The following SORCS1 variants were observed in gnomAD, a reference collection of about 807,000 sequenced individuals.
SORCS1 encodes VPS10 domain-containing receptor SorCS1.
In SORCS1, 60 loss-of-function variants were observed where a neutral mutation model predicts 146.1. That is an observed-to-expected ratio of 0.41 (90% CI 0.33 to 0.51). The LOEUF (loss-of-function observed/expected upper bound fraction) is 0.51, where lower values mean the gene tolerates loss of function less well. SORCS1 is among the 20% of genes least tolerant of loss of function. SORCS1 has a pLI of 0.21. For synonymous variants in SORCS1, 637 were observed against 584.0 expected (o/e 1.09, Z -1.31); for missense variants, 1,352 against 1,487.6 (o/e 0.91, Z 1.50).
At chr10:107,063,862 T>C (rs1378676892) in intron 1 of SORCS1, among the ~76,000 whole-genome samples, 2 of 152,036 alleles carry the variant, frequency 1.3e-5, no homozygotes, top group Non-Finnish European at 2.9e-5. Context: ...AAATGGAGAG[T>C]TCATGACAGT....
intron 2 of SORCS1, among the ~76,000 whole-genome samples, chr10:106,834,649 C>A (rs1450400068): frequency 6.6e-6 from 1 of 151,902 alleles, no homozygotes; most frequent in Non-Finnish European, 1.5e-5. Context: ...CCTGGACTAA[C>A]CATAAAGTGA....
rs535133961 is a variant in SORCS1 at position 106,875,048 on chromosome 10, G to C, written c.627-45375C>G. 1.5e-3 allele frequency among the ~76,000 whole-genome samples: 224 copies of C among 152,138 alleles called. 3 individuals are homozygous for C. The highest frequency in any genetic ancestry group is 5.1e-3 in the African/African-American group (210 of 41,494). Reference sequence around the variant, plus strand: ...TATAGCGGTGAATTCTGAGATTTTAGTGCACCCATCACCTGGGTAGTGTAC... The same window carrying C: ...TATAGCGGTGAATTCTGAGATTTTACTGCACCCATCACCTGGGTAGTGTAC... On this transcript the variant is annotated intron_variant, in intron 2 of 25. Transcript: ENST00000263054.
intron 2 of SORCS1, among the ~76,000 whole-genome samples, chr10:106,878,620 G>GTGTATATATA (rs904386657): frequency 2.1e-4 from 18 of 84,950 alleles, no homozygotes; most frequent in African/African-American, 7.8e-4. Flanking sequence ...AAACTACCTA[G>GTGTATATATA]TATATATATA....
intron 2 of SORCS1, among the ~76,000 whole-genome samples, chr10:106,910,518 C>T (rs1952101514): frequency 6.6e-6 from 1 of 152,148 alleles, no homozygotes; most frequent in Non-Finnish European, 1.5e-5. Flanking sequence ...CTCATCCCAT[C>T]AGTCACTGAA....
At chr10:107,036,972 G>A (rs192406777) in intron 1 of SORCS1, among the ~76,000 whole-genome samples, 735 of 152,272 alleles carry the variant, frequency 4.8e-3, no homozygotes, top group Non-Finnish European at 8.3e-3. Context: ...CAGGCTGGGC[G>A]CGGTGGCTCA....
chr10:106,913,557 A>T (rs769080505), intron 2 of SORCS1, among the ~76,000 whole-genome samples: 1 of 152,230 alleles, frequency 6.6e-6, no homozygotes, highest in Non-Finnish European at 1.5e-5. Flanking sequence ...CTATCTATTA[A>T]GGAGACAAGG....
intron 18 of SORCS1, among the ~76,000 whole-genome samples, chr10:106,648,456 G>A (rs576463930): frequency 4.9e-4 from 74 of 152,188 alleles, no homozygotes; most frequent in Middle Eastern, 3.4e-3. Context: ...CTATTATTCT[G>A]ATGTATTTTA....
intron 1 of SORCS1, among the ~76,000 whole-genome samples, chr10:107,049,769 T>C (rs1162533886): frequency 6.6e-6 from 1 of 152,162 alleles, no homozygotes; most frequent in Non-Finnish European, 1.5e-5. Context: ...TGGATGACGG[T>C]ATCAAACATT....
intron 23 of SORCS1, among the ~76,000 whole-genome samples, chr10:106,605,900 A>T (rs184609126): frequency 4.6e-5 from 7 of 152,282 alleles, no homozygotes; most frequent in Non-Finnish European, 8.8e-5. Flanking sequence ...GTTGTTTTTA[A>T]TAAGACTATT....
At chr10:107,068,288 T>A (rs1377772560) in intron 1 of SORCS1, among the ~76,000 whole-genome samples, 1 of 152,150 alleles carries the variant, frequency 6.6e-6, no homozygotes, top group Non-Finnish European at 1.5e-5. Context: ...TCCTATCAAT[T>A]TCCTCACTGA....
chr10:107,023,961 G>A (rs2133886925), intron 1 of SORCS1, among the ~76,000 whole-genome samples: 1 of 152,144 alleles, frequency 6.6e-6, no homozygotes, highest in East Asian at 1.9e-4. Context: ...GTCATTTGAG[G>A]TCAGGAGTTC....
intron 3 of SORCS1, among the ~76,000 whole-genome samples, chr10:106,793,349 C>T (rs1213504298): frequency 6.6e-6 from 1 of 152,068 alleles, no homozygotes; most frequent in Admixed American, 6.6e-5. Context: ...TTGGTAATGG[C>T]AAGTTCCTCA....
intron 17 of SORCS1, among the ~76,000 whole-genome samples, 168 bp downstream of exon 17, chr10:106,667,521 T>C (rs1258324575): frequency 1.3e-5 from 2 of 152,266 alleles, no homozygotes; most frequent in South Asian, 2.1e-4. Flanking sequence ...ACATGAAACT[T>C]GCACTATTAG....
intron 5 of SORCS1, among the ~76,000 whole-genome samples, chr10:106,747,218 C>A (rs895307682): frequency 5.3e-5 from 8 of 152,130 alleles, no homozygotes; most frequent in Non-Finnish European, 1.2e-4. Context: ...ATAGAATTGT[C>A]CTGTTTAGAG....
Position 106,664,221 on chromosome 10 carries a change from C to T in SORCS1, c.2303+3468G>A, listed in dbSNP as rs1850956033. 1.3e-5 allele frequency among the ~76,000 whole-genome samples: 2 copies of T among 152,116 alleles called. 1 individual carries two copies. The highest frequency in any genetic ancestry group is 4.1e-4 in the South Asian group (2 of 4,828). The stretch of plus-strand genomic sequence containing the variant: ...TGACCAACATTTATATACCTGGATG[C>T]TTATTGCTAAGTCACATTTTAATTG... On this transcript the variant is annotated intron_variant, in intron 17 of 25. Coordinates refer to ENST00000263054, the MANE Select transcript of SORCS1 (RefSeq NM_052918.5).
At chr10:106,719,639 T>C (rs1257747768) in intron 6 of SORCS1, among the ~76,000 whole-genome samples, 1 of 152,074 alleles carries the variant, frequency 6.6e-6, no homozygotes, top group African/African-American at 2.4e-5. Flanking sequence ...TCTCGATCTC[T>C]TGATGTTGTG....
At chr10:106,880,786 G>C (rs1950774723) in intron 2 of SORCS1, among the ~76,000 whole-genome samples, 1 of 151,998 alleles carries the variant, frequency 6.6e-6, no homozygotes, top group Non-Finnish European at 1.5e-5. Flanking sequence ...ACAAGCAGTA[G>C]GCCATTTCGA....
At chr10:106,642,438 G>A (rs1352557609) in intron 18 of SORCS1, among the ~76,000 whole-genome samples, 1 of 152,104 alleles carries the variant, frequency 6.6e-6, no homozygotes, top group African/African-American at 2.4e-5. Context: ...GAAGATCCCT[G>A]TTTTTATAAA....
chr10:106,577,176 GTTTTGTTTTGT>G lies in SORCS1; in HGVS notation c.*233_*243del, dbSNP rs750418524. On this transcript the variant is annotated 3_prime_UTR_variant, in exon 26 of 26. Transcript: ENST00000263054. ...TGGATTTTGATTGTTTATATTTTAT[GTTTTGTTTTGT>G]TTTTGTTTTTGTTTTTTTACTGGCG... The G allele has an allele frequency of 2.6e-4, 365 of 1,429,348 alleles. 1 individual carries two copies. Among genetic ancestry groups the G allele is most frequent in the Non-Finnish European group, 3.2e-4 (342 of 1,064,410 alleles). The allele number at this position is 1,429,348 out of a possible 1,614,324, so 88.5% of individuals were successfully genotyped here.
Sources: allele counts gnomAD v4.1 joint callset (sites outside exome capture counted in the v4.1 genomes callset), GRCh38; gene constraint gnomAD v4.1.1; transcripts MANE v1.5; gene names NCBI Gene and HGNC (gene_info 2026-07-23, HGNC 2026-07-21).